RAB27B: variants seen among roughly 807,000 people sequenced by gnomAD.
RAB27B encodes RAB27B, member RAS oncogene family, also known as ras-related protein Rab-27B.
RAB27B carries 15 observed loss-of-function variants against 24.6 expected under a neutral mutation model. The observed-to-expected ratio is 0.61, with a 90% confidence interval of 0.41 to 0.94. The LOEUF (loss-of-function observed/expected upper bound fraction) is 0.94. RAB27B is among the 40% of genes least tolerant of loss of function. RAB27B has a pLI of 0.00. For missense variants in RAB27B, 261 were observed against 266.8 expected, an observed-to-expected ratio of 0.98 and a Z score of 0.15; for synonymous variants, 105 against 92.5, an observed-to-expected ratio of 1.14 and a Z score of -0.78.
intron 2 of RAB27B, among the ~76,000 whole-genome samples, chr18:54,756,058 A>G (rs1907995692): frequency 6.6e-6 from 1 of 152,254 alleles, no homozygotes; most frequent in Non-Finnish European, 1.5e-5. Flanking sequence ...GTCTCTATAC[A>G]AAAGTGAAAA....
At chr18:54,788,766 C>A (rs1909165773) in intron 2 of RAB27B, among the ~76,000 whole-genome samples, 1 of 149,444 alleles carries the variant, frequency 6.7e-6, no homozygotes, top group South Asian at 2.1e-4. Context: ...GATCTCCCAA[C>A]AGTGGCATCT....
chr18:54,802,694 C>T (rs1356425552), intron 2 of RAB27B, among the ~76,000 whole-genome samples: 3 of 152,174 alleles, frequency 2.0e-5, no homozygotes, highest in Admixed American at 6.5e-5. Flanking sequence ...AACATGTAAG[C>T]TCAATTTGCT....
chr18:54,739,677 T>C (rs540120081), intron 2 of RAB27B, among the ~76,000 whole-genome samples: 13 of 152,268 alleles, frequency 8.5e-5, no homozygotes, highest in Middle Eastern at 3.4e-3. Flanking sequence ...ATGCTAAGTG[T>C]ACATTTAGCT....
rs186017973 is a variant in RAB27B at position 54,778,150 on chromosome 18, C to T, written c.-20+60009C>T. 3.4e-3 allele frequency among the ~76,000 whole-genome samples: 511 copies of T among 152,330 alleles called. 3 individuals are homozygous for T. Among genetic ancestry groups the T allele is most frequent in the African/African-American group, 0.012 (488 of 41,572 alleles). On this transcript the variant is annotated intron_variant, in intron 2 of 4. Transcript: ENST00000586570. ...ATAAGTCATGTCTCCTTTCTCGACA[C>T]ACCTCATAAATAATATAATCGCCAT... is the stretch of plus-strand genomic sequence containing the variant.
At chr18:54,768,495 T>C (rs1908437949) in intron 2 of RAB27B, among the ~76,000 whole-genome samples, 1 of 152,192 alleles carries the variant, frequency 6.6e-6, no homozygotes, top group African/African-American at 2.4e-5. Flanking sequence ...ATGCAGGCTT[T>C]CCTTATTTGA....
intron 2 of RAB27B, among the ~76,000 whole-genome samples, chr18:54,743,703 A>C (rs1296875042): frequency 6.6e-6 from 1 of 152,178 alleles, no homozygotes; most frequent in African/African-American, 2.4e-5. Flanking sequence ...GAGGAGAGTA[A>C]TAGGAGGTGA....
At chr18:54,864,651 T>C (rs1044456631) in intron 1 of RAB27B, among the ~76,000 whole-genome samples, 3 of 152,194 alleles carry the variant, frequency 2.0e-5, no homozygotes, top group African/African-American at 7.2e-5. Context: ...GCTTCTTTGT[T>C]GAAAGGACTA....
At chr18:54,775,675 C>G (rs540864847) in intron 2 of RAB27B, among the ~76,000 whole-genome samples, 1 of 152,296 alleles carries the variant, frequency 6.6e-6, no homozygotes, top group East Asian at 1.9e-4. Flanking sequence ...ATCCCTCTCC[C>G]ATGAAACTAC....
chr18:54,847,000 G>A (rs931520939), intron 1 of RAB27B, among the ~76,000 whole-genome samples: 6 of 151,984 alleles, frequency 3.9e-5, no homozygotes, highest in African/African-American at 9.7e-5. Flanking sequence ...ATAGGTGCCC[G>A]CCACCACACA....
chr18:54,868,995 T>TA (rs1330102281), intron 1 of RAB27B, among the ~76,000 whole-genome samples: 3 of 152,206 alleles, frequency 2.0e-5, no homozygotes. Context: ...GTTTTGTTCC[T>TA]CCTGATCATT....
intron 3 of RAB27B, chr18:54,879,709 ACTT>A (rs1227264830): frequency 5.5e-6 from 2 of 365,652 alleles, no homozygotes; most frequent in Non-Finnish European, 1.0e-5. Flanking sequence ...CTGTCTTTGC[ACTT>A]CTTAGAAGGA....
chr18:54,727,922 A>G (rs1392829011), intron 2 of RAB27B, among the ~76,000 whole-genome samples: 3 of 152,148 alleles, frequency 2.0e-5, no homozygotes, highest in African/African-American at 7.2e-5. Flanking sequence ...AGCTAGCCGG[A>G]TGAGATAATC....
rs1912756048 is a variant in RAB27B, at chr18:54,877,619, C to T, written c.34C>T (p.Leu12Phe). 14 of 1,590,186 alleles carry T rather than the reference C, an allele frequency of 8.8e-6. No homozygotes were observed. Among genetic ancestry groups the T allele is most frequent in the Non-Finnish European group, 1.2e-5 (14 of 1,173,032 alleles). Residue 12 changes from leucine to phenylalanine, a missense_variant, in exon 2 of 6, where the codon CTC (leucine) becomes TTC (phenylalanine). By Grantham distance (22) the Leu-to-Phe change is conservative. Coordinates refer to ENST00000262094, the MANE Select transcript of RAB27B (RefSeq NM_004163.4). Reference protein sequence around the residue: ...TDGDYDYLIKLLALGDSGVGK... With the variant: ...TDGDYDYLIKFLALGDSGVGK... Reference sequence around the variant, plus strand: ...TGGAGACTATGATTATCTGATCAAACTCCTGGCCCTCGGGGATTCAGGGGT... The same window carrying T: ...TGGAGACTATGATTATCTGATCAAATTCCTGGCCCTCGGGGATTCAGGGGT...
At chr18:54,770,872 T>G (rs1248701875) in intron 2 of RAB27B, among the ~76,000 whole-genome samples, 1 of 152,214 alleles carries the variant, frequency 6.6e-6, no homozygotes, top group Non-Finnish European at 1.5e-5. Flanking sequence ...CAGCATCATT[T>G]GATTCAATTC....
chr18:54,806,766 G>T (rs1001283463), intron 2 of RAB27B, among the ~76,000 whole-genome samples: 11 of 151,438 alleles, frequency 7.3e-5, no homozygotes, highest in African/African-American at 1.5e-4. Context: ...CAACTAGCAA[G>T]AAAAACATTC....
intron 1 of RAB27B, among the ~76,000 whole-genome samples, chr18:54,876,351 G>T (rs1912701322): frequency 6.6e-6 from 1 of 152,008 alleles, no homozygotes; most frequent in South Asian, 2.1e-4. Context: ...CATAGAATAG[G>T]CTGTTGTTGA....
intron 2 of RAB27B, among the ~76,000 whole-genome samples, chr18:54,748,888 T>G (rs1010662478): frequency 6.6e-6 from 1 of 152,220 alleles, no homozygotes; most frequent in African/African-American, 2.4e-5. Flanking sequence ...ATGCTCTTCA[T>G]AGAAGAAAGG....
At chr18:54,863,868 A>G (rs941639319) in intron 1 of RAB27B, among the ~76,000 whole-genome samples, 1 of 152,228 alleles carries the variant, frequency 6.6e-6, no homozygotes, top group African/African-American at 2.4e-5. Flanking sequence ...TGTGAAGAAT[A>G]ACATTGAATT....
At chr18:54,745,347 G>T in intron 2 of RAB27B, 1 of 173,810 alleles carries the variant, frequency 5.8e-6, no homozygotes, top group South Asian at 1.4e-4. Context: ...TACTTCTACA[G>T]GGATCCTGAA....
Sources: gnomAD v4.1 joint callset for allele counts (sites outside exome capture counted in the v4.1 genomes callset) on GRCh38, gnomAD v4.1.1 for gene constraint, MANE v1.5 for transcripts, NCBI Gene and HGNC (gene_info 2026-07-23, HGNC 2026-07-21) for gene names.